ZNF536: variants seen among roughly 807,000 people sequenced by gnomAD.
The protein encoded by ZNF536 is zinc finger protein 536.
ZNF536 carries 13 observed loss-of-function variants against 84.5 expected under a neutral mutation model. That is an observed-to-expected ratio of 0.15 (90% confidence interval 0.10 to 0.24). The LOEUF (loss-of-function observed/expected upper bound fraction) is 0.24, where lower values mean the gene tolerates loss of function less well. ZNF536 is among the 10% of genes least tolerant of loss of function. ZNF536 has a pLI of 1.00. For missense variants in ZNF536, 1,536 were observed against 1,747.5 expected (o/e 0.88, Z 2.16); for synonymous variants, 811 against 742.5 (o/e 1.09, Z -1.50).
intron 1 of ZNF536, among the ~76,000 whole-genome samples, chr19:30,383,835 T>TTCC (rs2049169698): frequency 2.1e-5 from 2 of 95,440 alleles, no homozygotes; most frequent in African/African-American, 9.8e-5. Flanking sequence ...TTTCTCCTTC[T>TTCC]TTCCTTCCTT....
intron 1 of ZNF536, among the ~76,000 whole-genome samples, chr19:30,279,352 G>A (rs2145600492): frequency 6.6e-6 from 1 of 152,318 alleles, no homozygotes; most frequent in Middle Eastern, 3.4e-3. Context: ...GGGGTGCTGG[G>A]TGGATAATGG....
chr19:30,389,723 G>C (rs1156572650), intron 1 of ZNF536, among the ~76,000 whole-genome samples: 1 of 152,116 alleles, frequency 6.6e-6, no homozygotes, highest in Non-Finnish European at 1.5e-5. Context: ...AATCCTAGCA[G>C]ATTCTTTTTC....
At chr19:30,259,936 T>G (rs1158436527) in intron 1 of ZNF536, among the ~76,000 whole-genome samples, 1 of 94,704 alleles carries the variant, frequency 1.1e-5, no homozygotes, top group Non-Finnish European at 2.1e-5. Flanking sequence ...TTTTTTTTTT[T>G]GCATTTTTAG....
chr19:30,625,195 A>G (rs959973309), intron 1 of ZNF536, among the ~76,000 whole-genome samples: 2 of 152,194 alleles, frequency 1.3e-5, no homozygotes, highest in African/African-American at 4.8e-5. Flanking sequence ...AACCAAGCAC[A>G]GCTGAGCTCT....
chr19:30,667,625 C>CTTTTTTTTTTTTTTTTTT (rs57656065), intron 1 of ZNF536, among the ~76,000 whole-genome samples: 1 of 124,008 alleles, frequency 8.1e-6, no homozygotes, highest in Admixed American at 8.0e-5. Context: ...TTTTTTCTAG[C>CTTTTTTTTTTTTTTTTTT]TTTTTTTTTT....
intron 1 of ZNF536, among the ~76,000 whole-genome samples, chr19:30,393,594 G>A (rs1019244080): frequency 1.3e-5 from 2 of 152,154 alleles, no homozygotes; most frequent in African/African-American, 4.8e-5. Flanking sequence ...TAGGCTAGGG[G>A]CAGCGTCACA....
intron 2 of ZNF536, among the ~76,000 whole-genome samples, chr19:30,297,911 C>A (rs61254267): frequency 7.6e-4 from 110 of 145,432 alleles, no homozygotes; most frequent in East Asian, 6.3e-3. Flanking sequence ...AGTCCCCCCC[C>A]CCTCTGTCGC....
At position 30,444,372 on chromosome 19, in the gene ZNF536, G is replaced by C. The variant is rs533020751; in HGVS notation, c.810G>C (p.Pro270=). Residue 270 remains proline, a synonymous_variant, in exon 2 of 5, where the codon CCG becomes CCC. Transcript: ENST00000355537. ...GCGTGCAGGAGGACGCGGTGGCCCC[G>C]GCGGCGGGCTTCCGCTGTACCTTCT... ...PASVQEDAVA[P]AAGFRCTFCK... is the part of the protein sequence containing the mutation. 3.2e-5 allele frequency: 52 copies of C among 1,603,638 alleles called. No individual in the cohort carries two copies. The highest frequency in any genetic ancestry group is 3.8e-5 in the Non-Finnish European group (45 of 1,179,450).
chr19:30,471,997 G>C (rs936188507), intron 2 of ZNF536, among the ~76,000 whole-genome samples: 12 of 152,140 alleles, frequency 7.9e-5, no homozygotes, highest in African/African-American at 2.9e-4. Context: ...CTCCATTAGA[G>C]GGGGACACCT....
chr19:30,443,163 A>G (rs2093237685), intron 1 of ZNF536, among the ~76,000 whole-genome samples: 1 of 152,012 alleles, frequency 6.6e-6, no homozygotes, highest in Admixed American at 6.6e-5. Context: ...CTTACAGGGA[A>G]AGTCATTCTG....
At chr19:30,412,324 G>A (rs2147717486) in intron 1 of ZNF536, among the ~76,000 whole-genome samples, 1 of 151,814 alleles carries the variant, frequency 6.6e-6, no homozygotes, top group South Asian at 2.1e-4. Context: ...CCAATGTTTT[G>A]CCATTAAACA....
In ZNF536 at chr19:30,377,595, T is replaced by C. The variant is rs1053309732; in HGVS notation, c.-3+5039T>C. Among the ~76,000 whole-genome samples the C allele has an allele frequency of 2.0e-5, 3 of 152,224 alleles. No homozygotes were observed. The East Asian group carries it at 5.8e-4, about 29-fold the overall frequency. ...ACCCTAGGTCCAATGCTCGTATATATAGGATAAAAAAGATCATGGGGAGAT... is the reference window on the plus strand; with the variant it reads ...ACCCTAGGTCCAATGCTCGTATATACAGGATAAAAAAGATCATGGGGAGAT... On this transcript the variant is annotated intron_variant, in intron 1 of 4. Coordinates refer to ENST00000355537, the MANE Select transcript of ZNF536 (RefSeq NM_014717.3).
In ZNF536 at chr19:30,454,157, G is replaced by A. The variant is rs80282785; in HGVS notation, c.2170+8425G>A. 4.4e-3 allele frequency among the ~76,000 whole-genome samples: 675 copies of A among 152,328 alleles called. 6 individuals carry two copies. Among genetic ancestry groups the A allele is most frequent in the African/African-American group, 0.015 (640 of 41,580 alleles). Reference sequence around the variant, plus strand: ...CTTTCAGTTTTACTCTGTGCCATGGGGCCCAGGGCATTTCACGGAGAAATC... The same window carrying A: ...CTTTCAGTTTTACTCTGTGCCATGGAGCCCAGGGCATTTCACGGAGAAATC... On this transcript the variant is annotated intron_variant, in intron 2 of 4. Coordinates refer to ENST00000355537, the MANE Select transcript of ZNF536 (RefSeq NM_014717.3).
At chr19:30,505,369 A>G (rs7245457) in intron 2 of ZNF536, among the ~76,000 whole-genome samples, 3,543 of 147,620 alleles carry the variant, frequency 0.024, 145 homozygotes, top group African/African-American at 0.084. Flanking sequence ...ATAATGATAT[A>G]TGAATGTATA....
intron 2 of ZNF536, among the ~76,000 whole-genome samples, chr19:30,351,615 G>C (rs1417677693): frequency 6.6e-6 from 1 of 152,168 alleles, no homozygotes; most frequent in Non-Finnish European, 1.5e-5. Context: ...TTGAGTGATG[G>C]CTGCTATATT....
At chr19:30,325,350 G>T (rs746073269) in intron 2 of ZNF536, among the ~76,000 whole-genome samples, 2 of 152,228 alleles carry the variant, frequency 1.3e-5, no homozygotes, top group Non-Finnish European at 2.9e-5. Flanking sequence ...GGGAGGCAAG[G>T]CAGCCGGTGT....
chr19:30,554,429 AT>A (rs1244676001), intron 4 of ZNF536: 1 of 151,532 alleles, frequency 6.6e-6, no homozygotes, highest in Non-Finnish European at 1.5e-5. Flanking sequence ...CTAATTTTGT[AT>A]TTTTAGTAGA....
chr19:30,537,719 T>A (rs2045147069), intron 3 of ZNF536, among the ~76,000 whole-genome samples: 2 of 152,214 alleles, frequency 1.3e-5, no homozygotes, highest in African/African-American at 4.8e-5. Flanking sequence ...GAAAGACTAA[T>A]GTTTCTGAAC....
At chr19:30,457,145 A>C (rs1372761099) in intron 2 of ZNF536, among the ~76,000 whole-genome samples, 2 of 152,132 alleles carry the variant, frequency 1.3e-5, no homozygotes, top group African/African-American at 4.8e-5. Context: ...AGTGAGACAG[A>C]CACATGGGAG....
Sources: gnomAD v4.1 joint callset for allele counts (sites outside exome capture counted in the v4.1 genomes callset) on GRCh38, gnomAD v4.1.1 for gene constraint, MANE v1.5 for transcripts, NCBI Gene and HGNC (gene_info 2026-07-23, HGNC 2026-07-21) for gene names.